UBR1: variants seen among roughly 807,000 people sequenced by gnomAD.
The protein encoded by UBR1 is E3 ubiquitin-protein ligase UBR1.
A neutral mutation model predicts 242.1 loss-of-function variants in UBR1; 102 were observed. The ratio of observed to expected loss-of-function variants is 0.42; its 90% confidence interval spans 0.36 to 0.50. The LOEUF is 0.50. Among genes scored for constraint, UBR1 ranks in the 20% least tolerant of loss-of-function variants. UBR1 has a pLI of 0.01. For synonymous variants in UBR1, 675 were observed against 684.8 expected (o/e 0.99, Z 0.22); for missense variants, 1,772 against 2,101.8 (o/e 0.84, Z 3.07).
chr15:43,037,699 G>T, intron 17 of UBR1, 74 bp downstream of exon 17: 7 of 1,289,734 alleles, frequency 5.4e-6, no homozygotes, highest in Non-Finnish European at 7.8e-6. Flanking sequence ...TAGGAACACA[G>T]GGTAAAATCA....
chr15:43,070,688 T>C (rs936679818), intron 5 of UBR1, 107 bp downstream of exon 5: 8 of 1,516,664 alleles, frequency 5.3e-6, no homozygotes, highest in South Asian at 1.1e-5. Flanking sequence ...CTAAGAATTT[T>C]TCATAATGAT....
intron 39 of UBR1, among the ~76,000 whole-genome samples, chr15:42,971,982 G>A (rs142636971): frequency 3.0e-4 from 45 of 152,208 alleles, no homozygotes; most frequent in African/African-American, 1.1e-3. Context: ...CACCAGTGTT[G>A]TACGCTTGTT....
intron 1 of UBR1, among the ~76,000 whole-genome samples, chr15:43,095,090 C>A (rs981358101): frequency 6.6e-6 from 1 of 152,166 alleles, no homozygotes; most frequent in African/African-American, 2.4e-5. Flanking sequence ...ATTTCATATT[C>A]TCTTTCTGCT....
intron 37 of UBR1, among the ~76,000 whole-genome samples, chr15:42,980,395 G>A (rs1254595361): frequency 2.0e-5 from 3 of 152,126 alleles, no homozygotes; most frequent in Non-Finnish European, 1.5e-5. Context: ...GGTCAGGCCT[G>A]GGTTTAAATA....
At chr15:43,029,823 C>T in intron 21 of UBR1, 121 bp downstream of exon 21, 1 of 1,115,146 alleles carries the variant, frequency 9.0e-7, no homozygotes, top group Non-Finnish European at 1.3e-6. Flanking sequence ...GATTGGTTTA[C>T]ATCTATAAGG....
intron 1 of UBR1, among the ~76,000 whole-genome samples, chr15:43,100,799 A>T (rs527656427): frequency 1.3e-5 from 2 of 152,062 alleles, no homozygotes; most frequent in Non-Finnish European, 2.9e-5. Context: ...CGCACCACGC[A>T]CTCCAGCCTG....
At chr15:43,087,666 T>C (rs1055408933) in intron 1 of UBR1, among the ~76,000 whole-genome samples, 1 of 152,170 alleles carries the variant, frequency 6.6e-6, no homozygotes, top group African/African-American at 2.4e-5. Context: ...GTTATTAAAA[T>C]TTTAGATTTA....
intron 19 of UBR1, among the ~76,000 whole-genome samples, chr15:43,034,139 G>T (rs1274976672): frequency 1.3e-5 from 2 of 151,962 alleles, no homozygotes; most frequent in Admixed American, 6.6e-5. Context: ...TGGGGAGGCT[G>T]AGGCAGGAGA....
At chr15:43,006,433 T>C (rs2032830721) in intron 30 of UBR1, among the ~76,000 whole-genome samples, 2 of 152,220 alleles carry the variant, frequency 1.3e-5, no homozygotes, top group Non-Finnish European at 2.9e-5. Flanking sequence ...CATGCAACCA[T>C]GCCTGGCTAA....
chr15:43,057,711 A>G (rs1324462553), intron 10 of UBR1, among the ~76,000 whole-genome samples: 1 of 152,156 alleles, frequency 6.6e-6, no homozygotes, highest in Admixed American at 6.5e-5. Flanking sequence ...TATACTTTTC[A>G]ATTAGTCACT....
chr15:43,027,988 T>C (rs2033199158), intron 21 of UBR1, among the ~76,000 whole-genome samples, 160 bp from the exon 22 acceptor site: 1 of 152,232 alleles, frequency 6.6e-6, no homozygotes, highest in African/African-American at 2.4e-5. Flanking sequence ...ACCAATTATC[T>C]ACGTTTTGGG....
At chr15:42,981,531 C>T (rs1361785254) in intron 37 of UBR1, among the ~76,000 whole-genome samples, 1 of 152,022 alleles carries the variant, frequency 6.6e-6, no homozygotes, top group Non-Finnish European at 1.5e-5. Context: ...GCTCTGTCGC[C>T]CATGTTGGAG....
chr15:43,069,565 G>A (rs903638516), intron 5 of UBR1, among the ~76,000 whole-genome samples: 13 of 152,208 alleles, frequency 8.5e-5, no homozygotes, highest in Admixed American at 6.5e-4. Context: ...GTGAGCCGCC[G>A]CGCCCGGCCT....
At chr15:42,971,466 T>G (rs998664054) in intron 39 of UBR1, among the ~76,000 whole-genome samples, 3 of 152,240 alleles carry the variant, frequency 2.0e-5, no homozygotes, top group Non-Finnish European at 4.4e-5. Context: ...GATATACAAA[T>G]GTCTACCTTG....
intron 29 of UBR1, among the ~76,000 whole-genome samples, chr15:43,015,307 C>A (rs1293207745): frequency 3.3e-5 from 5 of 152,068 alleles, no homozygotes; most frequent in Admixed American, 2.6e-4. Flanking sequence ...AAGAAAAATT[C>A]TTCTGCCTTG....
At chr15:43,004,417 A>G (rs1440308354) in intron 30 of UBR1, among the ~76,000 whole-genome samples, 2 of 151,946 alleles carry the variant, frequency 1.3e-5, no homozygotes, top group Non-Finnish European at 1.5e-5. Flanking sequence ...TGATGCCACC[A>G]AAGTTGTGAA....
Position 42,943,841 on chromosome 15 carries a change from C to A in UBR1, c.*1488G>T, listed in dbSNP as rs1388830141. On this transcript the variant is annotated 3_prime_UTR_variant, in exon 47 of 47. Coordinates refer to ENST00000290650, the MANE Select transcript of UBR1 (RefSeq NM_174916.3). ...GACATGTATCTATTTATCCAGATAC[C>A]TTCTGAATTGTAATTATTCAAGTAG... 6.6e-6 allele frequency: 1 copy of A among 152,264 alleles called. No individual in the cohort carries two copies. Among genetic ancestry groups the A allele is most frequent in the African/African-American group, 2.4e-5 (1 of 41,408 alleles). The allele number at this position is 152,264 out of a possible 1,614,324, so 9.4% of individuals were successfully genotyped here.
intron 25 of UBR1, 83 bp downstream of exon 25, chr15:43,024,746 A>G: frequency 6.3e-7 from 1 of 1,591,848 alleles, no homozygotes; most frequent in African/African-American, 1.3e-5. Context: ...ATGTGGTTCC[A>G]ACTGAAGTTA....
At chr15:42,954,437 C>T (rs1194696707) in intron 44 of UBR1, among the ~76,000 whole-genome samples, 1 of 152,050 alleles carries the variant, frequency 6.6e-6, no homozygotes, top group Non-Finnish European at 1.5e-5. Context: ...TACTGAAGAC[C>T]CTATTGGGCC....
Sources: allele counts gnomAD v4.1 joint callset (sites outside exome capture counted in the v4.1 genomes callset), GRCh38; gene constraint gnomAD v4.1.1; transcripts MANE v1.5; gene names NCBI Gene and HGNC (gene_info 2026-07-23, HGNC 2026-07-21).